Variants in ZFC3H1 observed in about 807,000 individuals in gnomAD.
ZFC3H1 encodes zinc finger C3H1 domain-containing protein.
Under a neutral mutation model 243.7 loss-of-function variants are expected in ZFC3H1, and 71 were observed. That is an observed-to-expected ratio of 0.29 (90% CI 0.24 to 0.36). ZFC3H1 has a LOEUF of 0.36. ZFC3H1 is among the 10% of genes least tolerant of loss of function. The probability of loss-of-function intolerance (pLI) is 1.00; values close to 1 mark genes in which losing one functional copy is unlikely to be tolerated. For synonymous variants in ZFC3H1, 838 were observed against 813.0 expected (o/e 1.03, Z -0.52); for missense variants, 1,966 against 2,317.1 (o/e 0.85, Z 3.11).
intron 14 of ZFC3H1, 51 bp downstream of exon 14, chr12:71,632,835 C>CA: frequency 1.3e-6 from 2 of 1,595,144 alleles, no homozygotes; most frequent in Non-Finnish European, 1.7e-6. Flanking sequence ...TTAAAACTAT[C>CA]ATAAAAACTT....
intron 19 of ZFC3H1, 120 bp from the exon 20 acceptor site, chr12:71,629,157 A>ATTTTT: frequency 1.6e-6 from 1 of 642,632 alleles, no homozygotes; most frequent in Non-Finnish European, 2.3e-6. Flanking sequence ...AATGATACGT[A>ATTTTT]TTTTTTTTTT....
intron 3 of ZFC3H1, among the ~76,000 whole-genome samples, chr12:71,647,154 G>GA (rs921726714): frequency 6.6e-6 from 1 of 151,976 alleles, no homozygotes; most frequent in African/African-American, 2.4e-5. Flanking sequence ...AATCTCAAAA[G>GA]AAAAAAACTA....
intron 1 of ZFC3H1, among the ~76,000 whole-genome samples, chr12:71,662,630 ATTAC>A (rs779939541): frequency 1.1e-4 from 16 of 152,112 alleles, no homozygotes; most frequent in South Asian, 4.1e-4. Flanking sequence ...AAGCAACAAT[ATTAC>A]TTAAACTGTT....
chr12:71,610,230 A>C lies in ZFC3H1; in HGVS notation c.*198T>G. On this transcript the variant is annotated 3_prime_UTR_variant, in exon 35 of 35. Transcript: ENST00000378743. ...AGGGCCTAGAAGCAGGCCAAACAGG[A>C]AGTTCATTTATCCAACCGAAGAGGA... 1.8e-6 allele frequency: 1 copy of C among 548,040 alleles called. No individual in the cohort carries two copies. Among genetic ancestry groups the C allele is most frequent in the Non-Finnish European group, 3.1e-6 (1 of 325,054 alleles). The allele number at this position is 548,040 out of a possible 1,614,324, so 33.9% of individuals were successfully genotyped here.
At chr12:71,659,295 T>C (rs1881103441) in intron 1 of ZFC3H1, among the ~76,000 whole-genome samples, 1 of 152,216 alleles carries the variant, frequency 6.6e-6, no homozygotes, top group Non-Finnish European at 1.5e-5. Context: ...TCCCCTTGTT[T>C]AAATTTCCCT....
chr12:71,642,379 G>A, intron 6 of ZFC3H1, 57 bp downstream of exon 6: 1 of 1,543,540 alleles, frequency 6.5e-7, no homozygotes, highest in Non-Finnish European at 8.8e-7. Flanking sequence ...GTACCATAAT[G>A]ACTATTCTCT....
intron 6 of ZFC3H1, among the ~76,000 whole-genome samples, chr12:71,640,176 CA>C (rs1430729596): frequency 6.6e-6 from 1 of 152,166 alleles, no homozygotes; most frequent in Non-Finnish European, 1.5e-5. Flanking sequence ...GGTGAGCCAC[CA>C]CTACTGGCTA....
At chr12:71,624,453 C>T (rs1880108473) in intron 22 of ZFC3H1, among the ~76,000 whole-genome samples, 161 bp from the exon 23 acceptor site, 1 of 152,166 alleles carries the variant, frequency 6.6e-6, no homozygotes, top group Admixed American at 6.5e-5. Flanking sequence ...GTACTACAAC[C>T]TAGACTCCCT....
At chr12:71,639,418 A>C (rs1199484809) in intron 6 of ZFC3H1, 1 of 249,556 alleles carries the variant, frequency 4.0e-6, no homozygotes, top group African/African-American at 2.3e-5. Flanking sequence ...GGCAGAGAGA[A>C]GAGAGGCTAT....
At chr12:71,631,917 CAA>C in intron 15 of ZFC3H1, 30 bp from the exon 16 acceptor site, 1 of 1,607,316 alleles carries the variant, frequency 6.2e-7, no homozygotes, top group Non-Finnish European at 8.5e-7. Context: ...TTCTGTAAGG[CAA>C]ATAAGGCTGG....
chr12:71,633,536 T>C (rs2137536526), intron 12 of ZFC3H1, 98 bp from the exon 13 acceptor site: 4 of 908,342 alleles, frequency 4.4e-6, no homozygotes, highest in Middle Eastern at 3.4e-4. Context: ...TTTTTAAAAA[T>C]GCATCTACGA....
In ZFC3H1 at chr12:71,632,172, T is replaced by G; in HGVS notation, c.3160A>C (p.Thr1054Pro). ...RRSFLESNYF[T>P]KPNLKHTDTA... ...TCAGTGTGCTTAAGGTTAGGTTTAG[T>G]AAAATAATTGGATTCTAAAAAAGAT... Residue 1054 changes from threonine to proline, a missense_variant, in exon 15 of 35, where the codon ACT becomes CCT. Thr to Pro is a conservative substitution (Grantham distance 38, BLOSUM62 -1). Around this residue, in one of 4 missense-constraint regions of ZFC3H1, gnomAD observed 1,383 missense variants for 1,723.7 expected, o/e 0.80. Transcript: ENST00000378743. 6.2e-7 allele frequency: 1 copy of G among 1,603,756 alleles called. No homozygotes were observed. Among genetic ancestry groups the G allele is most frequent in the Non-Finnish European group, 8.5e-7 (1 of 1,176,308 alleles).
In ZFC3H1 at chr12:71,610,319, G is replaced by A. The variant is rs1371272813; in HGVS notation, c.*109C>T. The A allele has an allele frequency of 1.5e-5, 19 of 1,295,732 alleles. No homozygotes were observed. In the Admixed American group the frequency reaches 2.5e-4, roughly 17 times the overall value. The allele number at this position is 1,295,732 out of a possible 1,614,324, so 80.3% of individuals were successfully genotyped here. A position where few individuals can be genotyped will look rare whatever the true frequency, so the allele number is the denominator to read the frequency against. Reference sequence around the variant, plus strand: ...TAGGGAACTTGATATGATCAATAACGCTTGTCTGCCTTACACAGACCTTAG... The same window carrying A: ...TAGGGAACTTGATATGATCAATAACACTTGTCTGCCTTACACAGACCTTAG... On this transcript the variant is annotated 3_prime_UTR_variant, in exon 35 of 35. Coordinates refer to ENST00000378743, the MANE Select transcript of ZFC3H1 (RefSeq NM_144982.5).
chr12:71,615,420 A>AT, intron 27 of ZFC3H1, 104 bp from the exon 28 acceptor site: 1 of 762,836 alleles, frequency 1.3e-6, no homozygotes, highest in Non-Finnish European at 2.1e-6. Flanking sequence ...TCATTGAAAT[A>AT]TTTTTTTAGA....
intron 18 of ZFC3H1, among the ~76,000 whole-genome samples, chr12:71,630,322 A>G (rs1218985404): frequency 2.0e-5 from 3 of 152,194 alleles, no homozygotes; most frequent in African/African-American, 4.8e-5. Flanking sequence ...AGCTCTGTCC[A>G]AAGAACTTTC....
chr12:71,624,475 T>C (rs1880109451), intron 22 of ZFC3H1, among the ~76,000 whole-genome samples, 183 bp from the exon 23 acceptor site: 1 of 152,218 alleles, frequency 6.6e-6, no homozygotes, highest in South Asian at 2.1e-4. Context: ...TTCTATCACA[T>C]ATCGAAAAGT....
At chr12:71,651,958 T>C (rs962004738) in intron 2 of ZFC3H1, among the ~76,000 whole-genome samples, 2 of 152,260 alleles carry the variant, frequency 1.3e-5, no homozygotes, top group East Asian at 3.9e-4. Context: ...AAAACTGATA[T>C]GGATTACAAA....
At chr12:71,646,235 G>T (rs1880726954) in intron 3 of ZFC3H1, among the ~76,000 whole-genome samples, 1 of 152,142 alleles carries the variant, frequency 6.6e-6, no homozygotes, top group Non-Finnish European at 1.5e-5. Context: ...TCCACTGTTG[G>T]TAAGTACATG....
At position 71,642,311 on chromosome 12, in the gene ZFC3H1, C is replaced by T. The variant is rs1880620682; in HGVS notation, c.1627+125G>A. 5.7e-6 allele frequency: 6 copies of T among 1,045,162 alleles called. No homozygotes were observed. In the South Asian group the frequency reaches 8.7e-5, roughly 15 times the overall value. The allele number at this position is 1,045,162 out of a possible 1,614,324, so 64.7% of individuals were successfully genotyped here. A position where few individuals can be genotyped will look rare whatever the true frequency, so the allele number is the denominator to read the frequency against. On this transcript the variant is annotated intron_variant, in intron 6 of 34. Transcript: ENST00000378743. The stretch of plus-strand genomic sequence containing the variant: ...ATTTACAACAACAAATAATGTCTAT[C>T]GCCATACAGTTCATCAGCAAATCTC...
Sources: allele counts gnomAD v4.1 joint callset (sites outside exome capture counted in the v4.1 genomes callset), GRCh38; gene constraint gnomAD v4.1.1; regional missense constraint gnomAD v4.1.1; transcripts MANE v1.5; gene names NCBI Gene and HGNC (gene_info 2026-07-23, HGNC 2026-07-21).